Variants in OR5AK2 observed in about 807,000 individuals in gnomAD.
The protein encoded by OR5AK2 is olfactory receptor family 5 subfamily AK member 2, also known as olfactory receptor 5AK2.
For missense variants in OR5AK2, 438 were observed against 366.3 expected, an observed-to-expected ratio of 1.20 and a Z score of -1.60; for synonymous variants, 176 against 128.2, an observed-to-expected ratio of 1.37 and a Z score of -2.52.
Position 56,989,411 on chromosome 11 carries a change from G to C in OR5AK2, c.498G>C (p.Leu166=). 1 of 1,614,104 alleles carries C rather than the reference G, an allele frequency of 6.2e-7. No individual in the cohort carries two copies. Among genetic ancestry groups the C allele is most frequent in the Middle Eastern group, 1.6e-4 (1 of 6,062 alleles). ...TACAAACAGGTTTTACATGTTCACT[G>C]TCCTTCTGCAAGTCCAATAGCATCA... ...ASVQTGFTCS[L]SFCKSNSINH... The change falls in exon 1 of 1, where the codon CTG becomes CTC. Residue 166 remains leucine, a synonymous_variant. Transcript: ENST00000326855.
chr11:56,989,728 A>T lies in OR5AK2; in HGVS notation c.815A>T (p.Lys272Ile). The change falls in exon 1 of 1, where the codon AAA becomes ATA. Residue 272 changes from lysine to isoleucine, a missense_variant. Transcript: ENST00000326855. ...SHSNNSQENM[K>I]VAFIFYGTVI... ...TCTAATAATTCCCAGGAAAATATGA[A>T]AGTGGCCTTTATATTTTATGGCACA... 6.2e-7 allele frequency: 1 copy of T among 1,613,428 alleles called. No homozygotes were observed. Among genetic ancestry groups the T allele is most frequent in the Non-Finnish European group, 8.5e-7 (1 of 1,179,378 alleles).
In OR5AK2 at chr11:56,989,086, T is replaced by A. The variant is rs746623982; in HGVS notation, c.173T>A (p.Leu58His). Residue 58 changes from leucine to histidine, a missense_variant, in exon 1 of 1, where the codon CTC (leucine) becomes CAC (histidine). Coordinates refer to ENST00000326855, the MANE Select transcript of OR5AK2 (RefSeq NM_001005323.1). Reference sequence around the variant, plus strand: ...AACACAGATTCCAGATTTCAAACACTCACGTACTTTTTTCTACAACATTTG... The same window carrying A: ...AACACAGATTCCAGATTTCAAACACACACGTACTTTTTTCTACAACATTTG... ...LINTDSRFQT[L>H]TYFFLQHLAF... 4 of 1,614,036 alleles carry A rather than the reference T, an allele frequency of 2.5e-6. No homozygotes were observed.
Position 56,989,492 on chromosome 11 carries a change from C to T in OR5AK2, c.579C>T (p.Asp193=), listed in dbSNP as rs1224156407. 3.1e-6 allele frequency: 5 copies of T among 1,613,630 alleles called. No individual in the cohort carries two copies. Among genetic ancestry groups the T allele is most frequent in the Non-Finnish European group, 4.2e-6 (5 of 1,179,616 alleles). The change falls in exon 1 of 1, where the codon GAC becomes GAT. Residue 193 remains aspartate, a synonymous_variant. Coordinates refer to ENST00000326855, the MANE Select transcript of OR5AK2 (RefSeq NM_001005323.1). The part of the protein sequence containing the change: ...PILALSCSNV[D]INIMLLVVFV... ...TTGCTCTTTCATGCTCCAATGTTGA[C>T]ATCAACATCATGCTACTTGTTGTCT... is the stretch of plus-strand genomic sequence containing the variant.
Position 56,989,550 on chromosome 11 carries a change from G to T in OR5AK2, c.637G>T (p.Val213Phe). The T allele has an allele frequency of 6.2e-7, 1 of 1,614,016 alleles. No individual in the cohort carries two copies. The highest frequency in any genetic ancestry group is 8.5e-7 in the Non-Finnish European group (1 of 1,179,962). ...ATCTAACTTGATATTCACTGGGTTG[G>T]TCGTCATCTTTTCCTACATCTACAT... Reference protein sequence around the residue: ...VGSNLIFTGLVVIFSYIYIMA... With the variant: ...VGSNLIFTGLFVIFSYIYIMA... Residue 213 changes from valine (V) to phenylalanine (F), a missense_variant, in exon 1 of 1, where the codon GTC becomes TTC. Physicochemically the swap from Val to Phe is conservative, Grantham distance 50 (BLOSUM62 -1). Coordinates refer to ENST00000326855, the MANE Select transcript of OR5AK2 (RefSeq NM_001005323.1).
In OR5AK2 at chr11:56,988,924, GA is replaced by G; in HGVS notation, c.14del (p.Asn5ThrfsTer32). 6.3e-7 allele frequency: 1 copy of G among 1,598,424 alleles called. No homozygotes were observed. Among genetic ancestry groups the G allele is most frequent in the Non-Finnish European group, 8.5e-7 (1 of 1,171,834 alleles). On this transcript the variant is annotated frameshift_variant, in exon 1 of 1. Coordinates refer to ENST00000326855, the MANE Select transcript of OR5AK2 (RefSeq NM_001005323.1). LOFTEE classifies it low-confidence loss of function (END_TRUNC). ...AGACTTTTACTAGCCATGACACTAG[GA>G]AACAGCACTGAAGTCACTGAATTCT... MTL[G>X]NSTEVTEFYL...
Position 56,989,727 on chromosome 11 carries a change from A to C in OR5AK2, c.814A>C (p.Lys272Gln). 6.2e-7 allele frequency: 1 copy of C among 1,613,528 alleles called. No individual in the cohort carries two copies. The highest frequency in any genetic ancestry group is 8.5e-7 in the Non-Finnish European group (1 of 1,179,456). Reference sequence around the variant, plus strand: ...TTCTAATAATTCCCAGGAAAATATGAAAGTGGCCTTTATATTTTATGGCAC... The same window carrying C: ...TTCTAATAATTCCCAGGAAAATATGCAAGTGGCCTTTATATTTTATGGCAC... ...SHSNNSQENM[K>Q]VAFIFYGTVI... is the part of the protein sequence containing the mutation. Residue 272 changes from lysine to glutamine, a missense_variant, in exon 1 of 1, where the codon AAA becomes CAA. Transcript: ENST00000326855.
At position 56,989,606 on chromosome 11, in the gene OR5AK2, T is replaced by C. The variant is rs761801197; in HGVS notation, c.693T>C (p.Ser231=). The change falls in exon 1 of 1, where the codon AGT becomes AGC. Residue 231 remains serine, a synonymous_variant. Coordinates refer to ENST00000326855, the MANE Select transcript of OR5AK2 (RefSeq NM_001005323.1). The stretch of plus-strand genomic sequence containing the variant: ...CCACCATCCTGAAAATGTCTTCTAG[T>C]GCAGGAAGGAAAAAATCCTTCTCAA... ...IMATILKMSS[S]AGRKKSFSTC... is the part of the protein sequence containing the mutation. 1 of 1,614,080 alleles carries C rather than the reference T, an allele frequency of 6.2e-7. No homozygotes were observed. The highest frequency in any genetic ancestry group is 1.1e-5 in the South Asian group (1 of 91,088).
At position 56,989,104 on chromosome 11, in the gene OR5AK2, A is replaced by G. The variant is rs1861642361; in HGVS notation, c.191A>G (p.Gln64Arg). The G allele has an allele frequency of 1.9e-6, 3 of 1,614,060 alleles. No individual in the cohort carries two copies. Residue 64 changes from glutamine (Q) to arginine (R), a missense_variant, in exon 1 of 1, where the codon CAA becomes CGA. Coordinates refer to ENST00000326855, the MANE Select transcript of OR5AK2 (RefSeq NM_001005323.1). ...CAAACACTCACGTACTTTTTTCTAC[A>G]ACATTTGGCTTTTGTTGATATCTGT... ...RFQTLTYFFLQHLAFVDICYT... is the reference protein window; with the variant it reads ...RFQTLTYFFLRHLAFVDICYT...
In OR5AK2 at chr11:56,989,432, C is replaced by A; in HGVS notation, c.519C>A (p.Ser173Arg). 1 of 1,614,154 alleles carries A rather than the reference C, an allele frequency of 6.2e-7. No homozygotes were observed. The highest frequency in any genetic ancestry group is 1.7e-5 in the Admixed American group (1 of 60,010). Residue 173 changes from serine to arginine, a missense_variant, in exon 1 of 1, where the codon AGC (serine) becomes AGA (arginine). Coordinates refer to ENST00000326855, the MANE Select transcript of OR5AK2 (RefSeq NM_001005323.1). ...CACTGTCCTTCTGCAAGTCCAATAG[C>A]ATCAATCACTTTTTCTGTGATGTTC... ...TCSLSFCKSN[S>R]INHFFCDVPP...
Position 56,989,715 on chromosome 11 carries a change from C to T in OR5AK2, c.802C>T (p.Gln268Ter), listed in dbSNP as rs1051095938. ...TTTGCAGTCTCATTCTAATAATTCCCAGGAAAATATGAAAGTGGCCTTTAT... is the reference window on the plus strand; with the variant it reads ...TTTGCAGTCTCATTCTAATAATTCCTAGGAAAATATGAAAGTGGCCTTTAT... ...MYLQSHSNNS[Q>*]ENMKVAFIFY... is the part of the protein sequence containing the mutation. The change falls in exon 1 of 1, where the codon CAG becomes TAG. Residue 268 changes from glutamine to a stop codon, truncating the protein, a stop_gained. Transcript: ENST00000326855. LOFTEE classifies it low-confidence loss of function (END_TRUNC). 3.1e-6 allele frequency: 5 copies of T among 1,613,730 alleles called. No individual in the cohort carries two copies. The highest frequency in any genetic ancestry group is 1.6e-4 in the Middle Eastern group (1 of 6,062).
At position 56,989,696 on chromosome 11, in the gene OR5AK2, G is replaced by A. The variant is rs777566698; in HGVS notation, c.783G>A (p.Gln261=). The A allele has an allele frequency of 2.0e-5, 32 of 1,613,814 alleles. No homozygotes were observed. The highest frequency in any genetic ancestry group is 2.5e-5 in the Non-Finnish European group (29 of 1,179,894). Residue 261 remains glutamine (Q), a synonymous_variant, in exon 1 of 1, where the codon CAG becomes CAA. Transcript: ENST00000326855. ...GGACACTCTCTTACATGTATTTGCA[G>A]TCTCATTCTAATAATTCCCAGGAAA... ...FYGTLSYMYL[Q]SHSNNSQENM... is the part of the protein sequence containing the mutation.
Position 56,989,617 on chromosome 11 carries a change from A to G in OR5AK2, c.704A>G (p.Lys235Arg). The change falls in exon 1 of 1, where the codon AAA becomes AGA. Residue 235 changes from lysine to arginine, a missense_variant. Lys to Arg is a conservative substitution (Grantham distance 26). Coordinates refer to ENST00000326855, the MANE Select transcript of OR5AK2 (RefSeq NM_001005323.1). ...ILKMSSSAGR[K>R]KSFSTCASHL... ...AAAATGTCTTCTAGTGCAGGAAGGAAAAAATCCTTCTCAACATGTGCTTCC... is the reference window on the plus strand; with the variant it reads ...AAAATGTCTTCTAGTGCAGGAAGGAGAAAATCCTTCTCAACATGTGCTTCC... The G allele has an allele frequency of 5.6e-6, 9 of 1,613,986 alleles. No individual in the cohort carries two copies. Among genetic ancestry groups the G allele is most frequent in the Non-Finnish European group, 7.6e-6 (9 of 1,179,874 alleles).
chr11:56,989,660 C>T lies in OR5AK2; in HGVS notation c.747C>T (p.Thr249=). Residue 249 remains threonine, a synonymous_variant, in exon 1 of 1, where the codon ACC becomes ACT. Coordinates refer to ENST00000326855, the MANE Select transcript of OR5AK2 (RefSeq NM_001005323.1). The stretch of plus-strand genomic sequence containing the variant: ...GTGCTTCCCACCTGACCGCAGTCAC[C>T]ATTTTCTATGGGACACTCTCTTACA... ...STCASHLTAV[T]IFYGTLSYMY... 2.5e-6 allele frequency: 4 copies of T among 1,614,048 alleles called. No individual in the cohort carries two copies. Among genetic ancestry groups the T allele is most frequent in the Non-Finnish European group, 3.4e-6 (4 of 1,179,956 alleles).
chr11:56,989,154 A>T lies in OR5AK2; in HGVS notation c.241A>T (p.Met81Leu). The T allele has an allele frequency of 6.2e-7, 1 of 1,613,980 alleles. No homozygotes were observed. Residue 81 changes from methionine (M) to leucine (L), a missense_variant, in exon 1 of 1, where the codon ATG becomes TTG. Physicochemically the swap from Met to Leu is conservative, Grantham distance 15. Coordinates refer to ENST00000326855, the MANE Select transcript of OR5AK2 (RefSeq NM_001005323.1). Reference protein sequence around the residue: ...ICYTSAITPKMLQSFTEEKNL... With the variant: ...ICYTSAITPKLLQSFTEEKNL... Reference sequence around the variant, plus strand: ...TTACACTTCTGCTATCACTCCCAAGATGCTCCAAAGCTTCACAGAAGAAAA... The same window carrying T: ...TTACACTTCTGCTATCACTCCCAAGTTGCTCCAAAGCTTCACAGAAGAAAA...
chr11:56,989,755 T>C lies in OR5AK2; in HGVS notation c.842T>C (p.Val281Ala), dbSNP rs1212646923. The C allele has an allele frequency of 1.2e-6, 2 of 1,612,502 alleles. No homozygotes were observed. Among genetic ancestry groups the C allele is most frequent in the Admixed American group, 3.3e-5 (2 of 59,978 alleles). ...MKVAFIFYGT[V>A]IPMLNPLIYS... ...GTGGCCTTTATATTTTATGGCACAG[T>C]TATTCCCATGTTAAATCCTTTAATC... The change falls in exon 1 of 1, where the codon GTT (valine) becomes GCT (alanine). Residue 281 changes from valine to alanine, a missense_variant. Transcript: ENST00000326855.
rs1385468026 is a variant in OR5AK2 at position 56,988,935 on chromosome 11, G to C, written c.22G>C (p.Glu8Gln). 12 of 1,609,362 alleles carry C rather than the reference G, an allele frequency of 7.5e-6. No homozygotes were observed. In the East Asian group the frequency reaches 2.7e-4, roughly 36 times the overall value. Reference protein sequence around the residue: MTLGNSTEVTEFYLLGFG... With the variant: MTLGNSTQVTEFYLLGFG... ...AGCCATGACACTAGGAAACAGCACT[G>C]AAGTCACTGAATTCTATCTTCTGGG... Residue 8 changes from glutamate to glutamine, a missense_variant, in exon 1 of 1, where the codon GAA becomes CAA. Glu to Gln is a conservative substitution (Grantham distance 29). Transcript: ENST00000326855.
rs1861650456 is a variant in OR5AK2 at position 56,989,459 on chromosome 11, C to T, written c.546C>T (p.Pro182=). The part of the protein sequence containing the change: ...NSINHFFCDV[P]PILALSCSNV... Reference sequence around the variant, plus strand: ...TCAATCACTTTTTCTGTGATGTTCCCCCTATTCTTGCTCTTTCATGCTCCA... The same window carrying T: ...TCAATCACTTTTTCTGTGATGTTCCTCCTATTCTTGCTCTTTCATGCTCCA... Residue 182 remains proline (P), a synonymous_variant, in exon 1 of 1, where the codon CCC becomes CCT. Transcript: ENST00000326855. 6.2e-7 allele frequency: 1 copy of T among 1,614,108 alleles called. No homozygotes were observed. The highest frequency in any genetic ancestry group is 8.5e-7 in the Non-Finnish European group (1 of 1,179,996).
rs111466411 is a variant in OR5AK2 at position 56,989,118 on chromosome 11, G to T, written c.205G>T (p.Val69Phe). 32 of 1,613,690 alleles carry T rather than the reference G, an allele frequency of 2.0e-5. No individual in the cohort carries two copies. The highest frequency in any genetic ancestry group is 2.7e-5 in the Non-Finnish European group (32 of 1,179,770). ...TYFFLQHLAF[V>F]DICYTSAITP... ...CTTTTTTCTACAACATTTGGCTTTT[G>T]TTGATATCTGTTACACTTCTGCTAT... Residue 69 changes from valine to phenylalanine, a missense_variant, in exon 1 of 1, where the codon GTT becomes TTT. Coordinates refer to ENST00000326855, the MANE Select transcript of OR5AK2 (RefSeq NM_001005323.1).
In OR5AK2 at chr11:56,989,050, T is replaced by C; in HGVS notation, c.137T>C (p.Ile46Thr). The change falls in exon 1 of 1, where the codon ATC becomes ACC. Residue 46 changes from isoleucine to threonine, a missense_variant. Physicochemically the swap from Ile to Thr is moderately conservative, Grantham distance 89. Coordinates refer to ENST00000326855, the MANE Select transcript of OR5AK2 (RefSeq NM_001005323.1). ...TCCATAATGGGTAATAGTGGAATAA[T>C]CTTACTCATCAACACAGATTCCAGA... ...VTSIMGNSGI[I>T]LLINTDSRFQ... 6.2e-7 allele frequency: 1 copy of C among 1,613,898 alleles called. No homozygotes were observed. Among genetic ancestry groups the C allele is most frequent in the Non-Finnish European group, 8.5e-7 (1 of 1,179,790 alleles).
Sources: gnomAD v4.1 joint callset for allele counts on GRCh38, gnomAD v4.1.1 for gene constraint, MANE v1.5 for transcripts, NCBI Gene and HGNC (gene_info 2026-07-23, HGNC 2026-07-21) for gene names.